The following ADGRL2 variants were observed in gnomAD, a reference collection of about 807,000 sequenced individuals.
ADGRL2 encodes the protein calcium-independent alpha-latrotoxin receptor 2.
Under a neutral mutation model 157.4 loss-of-function variants are expected in ADGRL2, and 44 were observed. That is an observed-to-expected ratio of 0.28 (90% CI 0.22 to 0.36). The LOEUF (loss-of-function observed/expected upper bound fraction) is 0.36. Ranked by LOEUF, ADGRL2 falls within the 10% of genes least tolerant of loss-of-function variation. The probability of loss-of-function intolerance (pLI) is 1.00; values close to 1 mark genes in which losing one functional copy is unlikely to be tolerated. For synonymous variants in ADGRL2, 585 were observed against 624.7 expected, an observed-to-expected ratio of 0.94 and a Z score of 0.95; for missense variants, 1,510 against 1,768.9, an observed-to-expected ratio of 0.85 and a Z score of 2.63.
intron 1 of ADGRL2, among the ~76,000 whole-genome samples, chr1:81,712,111 A>C (rs1220769145): frequency 6.6e-6 from 1 of 152,126 alleles, no homozygotes; most frequent in Non-Finnish European, 1.5e-5. Context: ...AAGTGTAAAG[A>C]CATCTCAACC....
chr1:81,689,759 C>A (rs2083296129), intron 3 of ADGRL2, among the ~76,000 whole-genome samples: 1 of 152,132 alleles, frequency 6.6e-6, no homozygotes. Context: ...CATCAAAAGG[C>A]AGGAAGGAGC....
At position 81,970,648 on chromosome 1, in the gene ADGRL2, A is replaced by G. The variant is rs1658453769; in HGVS notation, c.2954+114A>G. ...AATAGCATCTGAAAGCTTTATTGGT[A>G]AGAGAATGGGCATACCGTGCACAAA... On this transcript the variant is annotated intron_variant, in intron 16 of 23. Coordinates refer to ENST00000686636, the MANE Select transcript of ADGRL2 (RefSeq NM_001366006.2). 1.1e-5 allele frequency: 8 copies of G among 737,558 alleles called. No homozygotes were observed. In the South Asian group the frequency reaches 1.4e-4, roughly 13 times the overall value. The allele number at this position is 737,558 out of a possible 1,614,324, so 45.7% of individuals were successfully genotyped here. A position where few individuals can be genotyped will look rare whatever the true frequency, so the allele number is the denominator to read the frequency against.
Position 81,993,639 on chromosome 1 carries a change from A to G in ADGRL2, c.*2494A>G, listed in dbSNP as rs2149570714. ...CATTTCTTTTCAAAAATATATAAAT[A>G]TTGCCTTAAATTCCATCTAGGATTC... is the stretch of plus-strand genomic sequence containing the variant. On this transcript the variant is annotated 3_prime_UTR_variant, in exon 24 of 24. Coordinates refer to ENST00000686636, the MANE Select transcript of ADGRL2 (RefSeq NM_001366006.2). 6.6e-6 allele frequency among the ~76,000 whole-genome samples: 1 copy of G among 152,250 alleles called. No individual in the cohort carries two copies. Among genetic ancestry groups the G allele is most frequent in the Non-Finnish European group, 1.5e-5 (1 of 68,012 alleles).
At chr1:81,429,681 C>T (rs1383171806) in intron 1 of ADGRL2, among the ~76,000 whole-genome samples, 2 of 152,198 alleles carry the variant, frequency 1.3e-5, no homozygotes, top group Non-Finnish European at 2.9e-5. Flanking sequence ...AGTGCAGGCT[C>T]TGTGGACATT....
At position 81,651,259 on chromosome 1, in the gene ADGRL2, C is replaced by A. The variant is rs145678280; in HGVS notation, c.-143+70279C>A. Among the ~76,000 whole-genome samples the A allele has an allele frequency of 7.6e-3, 1,152 of 151,766 alleles. 13 individuals carry two copies. The highest frequency in any genetic ancestry group is 0.027 in the African/African-American group (1,100 of 41,416). On this transcript the variant is annotated intron_variant, in intron 3 of 24. Coordinates refer to the ADGRL2 transcript ENST00000370721. ...TTCAGTTTACATTTTCTACTAGTTA[C>A]AAGAATTAGAAAAAAAAATCAAAAT...
At chr1:81,965,983 GT>G in intron 11 of ADGRL2, 74 bp from the exon 12 acceptor site, 1 of 1,447,980 alleles carries the variant, frequency 6.9e-7, no homozygotes, top group Non-Finnish European at 9.5e-7. Context: ...TTTCCATACA[GT>G]TATCATTTGC....
intron 6 of ADGRL2, among the ~76,000 whole-genome samples, chr1:81,945,289 A>G (rs181443868): frequency 9.2e-5 from 14 of 152,204 alleles, no homozygotes; most frequent in African/African-American, 3.1e-4. Context: ...TAAGGCATTG[A>G]CAGACTTGTA....
intron 1 of ADGRL2, among the ~76,000 whole-genome samples, chr1:81,408,976 G>A (rs928285927): frequency 2.0e-5 from 3 of 152,182 alleles, no homozygotes; most frequent in Admixed American, 2.0e-4. Flanking sequence ...GTTCTCTCCA[G>A]TTCTGTTAGA....
At chr1:81,422,819 A>G (rs1400265421) in intron 1 of ADGRL2, among the ~76,000 whole-genome samples, 1 of 152,228 alleles carries the variant, frequency 6.6e-6, no homozygotes, top group Non-Finnish European at 1.5e-5. Flanking sequence ...AGTACTTATC[A>G]TAATGCCTGG....
At chr1:81,437,241 T>C (rs1461979061) in intron 1 of ADGRL2, among the ~76,000 whole-genome samples, 4 of 152,180 alleles carry the variant, frequency 2.6e-5, no homozygotes, top group African/African-American at 9.6e-5. Context: ...TCTCCTGGAA[T>C]CACAAATGTA....
chr1:81,712,462 T>G (rs1286111056), intron 1 of ADGRL2, among the ~76,000 whole-genome samples: 2 of 152,216 alleles, frequency 1.3e-5, no homozygotes, highest in Non-Finnish European at 2.9e-5. Context: ...CTTGGTGACC[T>G]TACAGATATG....
intron 1 of ADGRL2, among the ~76,000 whole-genome samples, chr1:81,808,709 A>G (rs1352668483): frequency 1.3e-5 from 2 of 152,096 alleles, no homozygotes; most frequent in African/African-American, 4.8e-5. Context: ...CATTTTGGCA[A>G]TTCTTACTAC....
intron 2 of ADGRL2, among the ~76,000 whole-genome samples, chr1:81,468,204 T>C (rs1048672491): frequency 3.3e-5 from 5 of 152,194 alleles, no homozygotes; most frequent in African/African-American, 9.6e-5. Context: ...AGAGTGATTC[T>C]AGCATTGACC....
chr1:81,610,229 G>GGTTTT (rs1557503906), intron 3 of ADGRL2, among the ~76,000 whole-genome samples: 2 of 127,392 alleles, frequency 1.6e-5, no homozygotes, highest in Non-Finnish European at 3.2e-5. Context: ...TGGCTTGGAG[G>GGTTTT]TTTTTTTTTT....
Position 81,966,406 on chromosome 1 carries a change from C to T in ADGRL2, c.2146C>T (p.Leu716Phe), listed in dbSNP as rs775966822. 4 of 1,613,784 alleles carry T rather than the reference C, an allele frequency of 2.5e-6. No homozygotes were observed. Among genetic ancestry groups the T allele is most frequent in the Non-Finnish European group, 3.4e-6 (4 of 1,179,754 alleles). The stretch of plus-strand genomic sequence containing the variant: ...TGTGACTATTTTTACCTTCCTAGGG[C>T]TTGCAAAGTTGGTGTTCATCATTTA... Reference protein sequence around the residue: ...NTVKQNSRNGLAKLVFIIYRS... With the variant: ...NTVKQNSRNGFAKLVFIIYRS... The change falls in exon 13 of 24, where the codon CTT (leucine) becomes TTT (phenylalanine). Residue 716 changes from leucine (L) to phenylalanine (F), a missense_variant and splice_region_variant. Physicochemically the swap from Leu to Phe is conservative, Grantham distance 22. Coordinates refer to ENST00000686636, the MANE Select transcript of ADGRL2 (RefSeq NM_001366006.2).
intron 2 of ADGRL2, among the ~76,000 whole-genome samples, chr1:81,784,844 A>AT (rs1324289585): frequency 2.6e-5 from 4 of 151,914 alleles, no homozygotes; most frequent in Non-Finnish European, 5.9e-5. Context: ...AAAATGTTTC[A>AT]TTTTTTGGTA....
chr1:81,781,835 T>C (rs2086826187), intron 2 of ADGRL2, among the ~76,000 whole-genome samples: 1 of 152,210 alleles, frequency 6.6e-6, no homozygotes, highest in Non-Finnish European at 1.5e-5. Context: ...CTCAAACTTG[T>C]TACTCTGGAA....
chr1:81,448,247 C>T (rs12565995), intron 2 of ADGRL2, among the ~76,000 whole-genome samples: 70,362 of 146,370 alleles, frequency 0.48, 18,653 homozygotes, highest in Non-Finnish European at 0.59. Context: ...CAGGTTCAAG[C>T]GATTTCTCCT....
chr1:81,938,959 C>T (rs1468418379), intron 4 of ADGRL2, among the ~76,000 whole-genome samples: 2 of 151,474 alleles, frequency 1.3e-5, no homozygotes, highest in Non-Finnish European at 3.0e-5. Flanking sequence ...GTAACATTTG[C>T]ATACCTCTTT....
Sources: allele counts gnomAD v4.1 joint callset (sites outside exome capture counted in the v4.1 genomes callset), GRCh38; gene constraint gnomAD v4.1.1; transcripts MANE v1.5; gene names NCBI Gene and HGNC (gene_info 2026-07-23, HGNC 2026-07-21).